CUX2: variants seen among roughly 807,000 people sequenced by gnomAD.
The protein encoded by CUX2 is cut like homeobox 2.
CUX2 carries 40 observed loss-of-function variants against 144.8 expected under a neutral mutation model. That is an observed-to-expected ratio of 0.28 (90% CI 0.21 to 0.36). The LOEUF is 0.36. Among genes scored for constraint, CUX2 ranks in the 10% least tolerant of loss-of-function variants. The pLI is 1.00. For synonymous variants in CUX2, 827 were observed against 875.6 expected (o/e 0.94, Z 0.98); for missense variants, 1,615 against 1,994.0 (o/e 0.81, Z 3.62).
At chr12:111,271,878 C>T (rs978651965) in intron 4 of CUX2, among the ~76,000 whole-genome samples, 1 of 152,098 alleles carries the variant, frequency 6.6e-6, no homozygotes, top group East Asian at 1.9e-4. Context: ...TAACCTTTGT[C>T]CAGGTATACA....
chr12:111,333,876 C>T (rs762897062), intron 18 of CUX2, among the ~76,000 whole-genome samples: 15 of 150,436 alleles, frequency 1.0e-4, no homozygotes, highest in Non-Finnish European at 1.6e-4. Flanking sequence ...TGTAAAGTGG[C>T]TACTTTTCCC....
At chr12:111,116,384 C>T (rs951687138) in intron 1 of CUX2, among the ~76,000 whole-genome samples, 12 of 152,150 alleles carry the variant, frequency 7.9e-5, no homozygotes, top group African/African-American at 2.4e-4. Flanking sequence ...TCTTTTCCCC[C>T]CTTTCAGCAG....
chr12:111,209,874 A>G (rs1881117318), intron 1 of CUX2, among the ~76,000 whole-genome samples: 1 of 152,176 alleles, frequency 6.6e-6, no homozygotes, highest in Non-Finnish European at 1.5e-5. Context: ...GCTCATTAAA[A>G]TTATTTCTTT....
At chr12:111,262,074 C>G (rs973773061) in intron 3 of CUX2, among the ~76,000 whole-genome samples, 1 of 152,172 alleles carries the variant, frequency 6.6e-6, no homozygotes, top group African/African-American at 2.4e-5. Context: ...AGCCTCCCCC[C>G]AATTTACACA....
intron 18 of CUX2, 117 bp from the exon 19 acceptor site, chr12:111,334,324 A>T: frequency 9.1e-7 from 1 of 1,093,152 alleles, no homozygotes; most frequent in Non-Finnish European, 1.3e-6. Context: ...GATTATTACT[A>T]CAGTGGTTGC....
At chr12:111,239,520 A>G (rs1028852089) in intron 3 of CUX2, among the ~76,000 whole-genome samples, 1 of 152,178 alleles carries the variant, frequency 6.6e-6, no homozygotes, top group Non-Finnish European at 1.5e-5. Flanking sequence ...TCGACAGGCA[A>G]TAGGAAGCCG....
chr12:111,220,937 T>TAAA (rs1162004039), intron 3 of CUX2, among the ~76,000 whole-genome samples: 10 of 92,070 alleles, frequency 1.1e-4, no homozygotes, highest in Admixed American at 3.6e-4. Flanking sequence ...CCTGGTCTCT[T>TAAA]AAAAAAAAAA....
chr12:111,283,912 A>T (rs929474570), intron 4 of CUX2, among the ~76,000 whole-genome samples: 1 of 152,028 alleles, frequency 6.6e-6, no homozygotes, highest in Non-Finnish European at 1.5e-5. Flanking sequence ...CCAATACACC[A>T]TGCTCTGAAA....
intron 1 of CUX2, among the ~76,000 whole-genome samples, chr12:111,122,021 T>G (rs1308660100): frequency 6.6e-6 from 1 of 152,142 alleles, no homozygotes; most frequent in African/African-American, 2.4e-5. Context: ...CCTCATGCAG[T>G]CCCCTGCTGG....
chr12:111,036,661 T>C (rs1869470462), intron 1 of CUX2, among the ~76,000 whole-genome samples: 1 of 146,546 alleles, frequency 6.8e-6, no homozygotes. Context: ...AAACAATGGC[T>C]AGTGTGTCTG....
At chr12:111,100,562 G>A (rs529467077) in intron 1 of CUX2, among the ~76,000 whole-genome samples, 16 of 152,264 alleles carry the variant, frequency 1.1e-4, no homozygotes, top group African/African-American at 3.9e-4. Flanking sequence ...ACCCATGTGT[G>A]CAAGTCAGAG....
intron 1 of CUX2, among the ~76,000 whole-genome samples, chr12:111,185,966 T>C (rs1475455778): frequency 6.6e-6 from 1 of 151,336 alleles, no homozygotes; most frequent in Non-Finnish European, 1.5e-5. Flanking sequence ...TGTCTCTCTC[T>C]CCCCCTCTCT....
Position 111,310,187 on chromosome 12 carries a change from G to T in CUX2, c.1405G>T (p.Gly469Trp). ...PGQPLLGPSL[G>W]PDGTRTFSLS... is the part of the protein sequence containing the mutation. ...GCAGCCCCTGCTGGGCCCCAGCTTG[G>T]GGCCTGACGGCACTCGGACTTTCTC... The change falls in exon 15 of 22, where the codon GGG becomes TGG. Residue 469 changes from glycine (G) to tryptophan (W), a missense_variant. Coordinates refer to ENST00000261726, the MANE Select transcript of CUX2 (RefSeq NM_015267.4). The surrounding 1 kb of genome is among the most constrained non-coding windows in gnomAD (Gnocchi z 7.9). The T allele has an allele frequency of 6.5e-7, 1 of 1,541,050 alleles. No homozygotes were observed. The highest frequency in any genetic ancestry group is 2.3e-5 in the East Asian group (1 of 43,674).
rs200518721 is a variant in CUX2 at position 111,310,411 on chromosome 12, G to A, written c.1629G>A (p.Ala543=). 2.2e-4 allele frequency: 351 copies of A among 1,610,806 alleles called. 1 individual carries two copies. In the African/African-American group the frequency reaches 3.1e-3, roughly 14 times the overall value. ...PEPADGGGGG[A]AGPGAEEEQL... is the part of the protein sequence containing the mutation. The stretch of plus-strand genomic sequence containing the variant: ...CCGCGGATGGTGGTGGGGGCGGAGC[G>A]GCGGGGCCCGGGGCAGAGGAGGAGC... The change falls in exon 15 of 22, where the codon GCG becomes GCA. Residue 543 remains alanine, a synonymous_variant. Coordinates refer to ENST00000261726, the MANE Select transcript of CUX2 (RefSeq NM_015267.4). The surrounding 1 kb of genome is among the most constrained non-coding windows in gnomAD (Gnocchi z 7.9).
chr12:111,123,375 G>C (rs1235237959), intron 1 of CUX2, among the ~76,000 whole-genome samples: 1 of 151,978 alleles, frequency 6.6e-6, no homozygotes, highest in African/African-American at 2.4e-5. Flanking sequence ...GTAGAGACAG[G>C]GTTTTGCCAT....
chr12:111,269,898 G>C (rs902263987), intron 4 of CUX2, among the ~76,000 whole-genome samples: 1 of 152,166 alleles, frequency 6.6e-6, no homozygotes, highest in African/African-American at 2.4e-5. Flanking sequence ...GGGCGGGAGA[G>C]CTGTCCCCAG....
intron 1 of CUX2, among the ~76,000 whole-genome samples, chr12:111,120,082 T>C (rs1317681449): frequency 6.6e-6 from 1 of 152,042 alleles, no homozygotes; most frequent in African/African-American, 2.4e-5. Context: ...TTTTTAAACA[T>C]GGAGAATTGC....
rs956837097 is a variant in CUX2, at chr12:111,077,384, G to A, written c.63+43144G>A. 7.2e-5 allele frequency among the ~76,000 whole-genome samples: 11 copies of A among 152,060 alleles called. No homozygotes were observed. The highest frequency in any genetic ancestry group is 2.2e-4 in the African/African-American group (9 of 41,412). On this transcript the variant is annotated intron_variant, in intron 1 of 21. Transcript: ENST00000261726. This position sits in a 1 kb window ranked among gnomAD's most constrained non-coding sequence, Gnocchi z 4.1. Reference sequence around the variant, plus strand: ...TGAACCCTAGCCTCTGGGGACTGGCGCGGCCATGCCATCGACCTGAACCCC... The same window carrying A: ...TGAACCCTAGCCTCTGGGGACTGGCACGGCCATGCCATCGACCTGAACCCC...
intron 1 of CUX2, among the ~76,000 whole-genome samples, chr12:111,071,083 GTTTTTT>G (rs774905040): frequency 7.5e-6 from 1 of 134,226 alleles, no homozygotes; most frequent in African/African-American, 2.7e-5. Flanking sequence ...CTTTCTCTAG[GTTTTTT>G]TTTTTTTTTT....
Sources: gnomAD v4.1 joint callset for allele counts (sites outside exome capture counted in the v4.1 genomes callset) on GRCh38, gnomAD v4.1.1 for gene constraint, Gnocchi (gnomAD v3.1) non-coding constraint, MANE v1.5 for transcripts, NCBI Gene and HGNC (gene_info 2026-07-23, HGNC 2026-07-21) for gene names.